The following CDKL5 variants were observed in gnomAD, a reference collection of about 807,000 sequenced individuals.
CDKL5 encodes cyclin-dependent kinase-like 5.
Under a neutral mutation model 61.7 loss-of-function variants are expected in CDKL5, and 8 were observed. The observed-to-expected ratio is 0.13, with a 90% CI of 0.08 to 0.23. The LOEUF is 0.23. Among genes scored for constraint, CDKL5 ranks in the 10% least tolerant of loss-of-function variants. CDKL5 has a pLI of 1.00. For missense variants in CDKL5, 440 were observed against 734.5 expected (o/e 0.60, Z 4.63); for synonymous variants, 275 against 272.3 (o/e 1.01, Z -0.10).
At chrX:18,489,857 C>T (rs1275726984) in intron 1 of CDKL5, among the ~76,000 whole-genome samples, 2 of 110,215 alleles carry the variant, frequency 1.8e-5, no homozygotes, top group African/African-American at 6.6e-5. Flanking sequence ...TGGAGACCAG[C>T]TGGGCAACAT....
chrX:18,647,485 C>T, intron 20 of CDKL5: 1 of 533,529 alleles, frequency 1.9e-6, no homozygotes, highest in South Asian at 2.8e-5. Context: ...ACAGCTGTGT[C>T]TTCAACGGTT....
At chrX:18,484,745 A>G (rs929458088) in intron 1 of CDKL5, among the ~76,000 whole-genome samples, 4 of 108,742 alleles carry the variant, frequency 3.7e-5, no homozygotes, top group African/African-American at 1.3e-4. Flanking sequence ...TAGATGGTAA[A>G]TCTGTAGGGA....
At chrX:18,430,248 T>G (rs1456790585) in intron 1 of CDKL5, among the ~76,000 whole-genome samples, 2 of 112,406 alleles carry the variant, frequency 1.8e-5, no homozygotes, top group African/African-American at 3.2e-5. Context: ...GATATTGCAT[T>G]ATAACTTTTG....
At chrX:18,640,404 TG>T (rs1277820799), downstream of CDKL5, 2 of 105,551 alleles carry the variant, frequency 1.9e-5, no homozygotes, top group African/African-American at 6.9e-5. Context: ...AGATTTGTCC[TG>T]TGTCCTAAGG....
intron 1 of CDKL5, among the ~76,000 whole-genome samples, chrX:18,497,886 C>T (rs182159108): frequency 2.6e-4 from 28 of 108,767 alleles, no homozygotes; most frequent in Non-Finnish European, 4.4e-4. Context: ...TGCACAATCA[C>T]GGCTCACCGC....
At position 18,630,066 on chromosome X, in the gene CDKL5, G is replaced by C. The variant is rs1250147426; in HGVS notation, c.*1309G>C. 9.3e-6 allele frequency: 7 copies of C among 750,853 alleles called. No homozygotes were observed. In the East Asian group the frequency reaches 6.1e-4, roughly 65 times the overall value. The allele number at this position is 750,853 out of a possible 1,213,427, so 61.9% of individuals were successfully genotyped here. On this transcript the variant is annotated 3_prime_UTR_variant, in exon 18 of 18. Transcript: ENST00000623535. ...ATTTCTGAATGCCTTTTTTGCTATT[G>C]CTCTCTCCAATACCATATTTAAAAG... is the stretch of plus-strand genomic sequence containing the variant.
At chrX:18,523,318 A>G (rs1923320084) in intron 3 of CDKL5, among the ~76,000 whole-genome samples, 1 of 110,709 alleles carries the variant, frequency 9.0e-6, no homozygotes, top group African/African-American at 3.3e-5. Flanking sequence ...CTTCCAACCT[A>G]CTTTCTGTCT....
chrX:18,642,118 C>T, downstream of CDKL5: 3 of 1,211,853 alleles, frequency 2.5e-6, no homozygotes, highest in Non-Finnish European at 3.4e-6. Context: ...GCAGCAGGTT[C>T]TGAACCGTGG....
At chrX:18,427,810 G>GTGAT (rs1931401117) in intron 1 of CDKL5, among the ~76,000 whole-genome samples, 1 of 111,045 alleles carries the variant, frequency 9.0e-6, no homozygotes, top group Non-Finnish European at 1.9e-5. Flanking sequence ...TTAGGGGTTT[G>GTGAT]TGATTGGTAT....
intron 3 of CDKL5, among the ~76,000 whole-genome samples, chrX:18,537,492 G>A (rs1314839147): frequency 8.1e-5 from 9 of 111,654 alleles, no homozygotes; most frequent in African/African-American, 2.6e-4. Context: ...TATTTCCATT[G>A]ACCTTATTCA....
intron 1 of CDKL5, chrX:18,442,164 C>G (rs1298121212): frequency 9.0e-6 from 1 of 111,455 alleles, no homozygotes; most frequent in Non-Finnish European, 1.9e-5. Context: ...CTGCCCACCC[C>G]CAGGTTTGCA....
intron 20 of CDKL5, chrX:18,650,020 T>C (rs1355285954): frequency 1.6e-5 from 4 of 249,360 alleles, no homozygotes; most frequent in African/African-American, 1.1e-4. Context: ...TCTGAGAGAG[T>C]AGGCAGAGGG....
At chrX:18,556,537 T>C (rs1169915980) in intron 3 of CDKL5, among the ~76,000 whole-genome samples, 1 of 111,478 alleles carries the variant, frequency 9.0e-6, no homozygotes, top group East Asian at 2.8e-4. Context: ...GAGCATGAGA[T>C]CTCCTCAGAA....
In CDKL5 at chrX:18,512,769, G is replaced by C. The variant is rs181527681; in HGVS notation, c.99+1915G>C. Among the ~76,000 whole-genome samples the C allele has an allele frequency of 2.3e-3, 255 of 111,232 alleles. 1 individual carries two copies. The highest frequency in any genetic ancestry group is 2.2e-3 in the Non-Finnish European group (114 of 52,900). The stretch of plus-strand genomic sequence containing the variant: ...CAAATGAAAAGCTCCCTAATAAAAT[G>C]CTAAATGCTATACTTTTAATGACTT... On this transcript the variant is annotated intron_variant, in intron 3 of 17. Transcript: ENST00000623535.
At chrX:18,446,788 A>C (rs1016989287) in intron 1 of CDKL5, among the ~76,000 whole-genome samples, 2 of 111,846 alleles carry the variant, frequency 1.8e-5, no homozygotes, top group Non-Finnish European at 3.8e-5. Flanking sequence ...ATCACCACTC[A>C]TACTCAGCAC....
chrX:18,476,668 A>G (rs892458583), intron 1 of CDKL5, among the ~76,000 whole-genome samples: 1 of 112,912 alleles, frequency 8.9e-6, no homozygotes, highest in East Asian at 2.7e-4. Flanking sequence ...TGATTTTAAT[A>G]TAGCCATTCC....
intron 1 of CDKL5, among the ~76,000 whole-genome samples, chrX:18,435,500 T>C (rs928238739): frequency 9.0e-6 from 1 of 111,664 alleles, no homozygotes; most frequent in Non-Finnish European, 1.9e-5. Context: ...TGATTCTGTA[T>C]TGTGTGCCAG....
intron 1 of CDKL5, among the ~76,000 whole-genome samples, chrX:18,476,012 G>T (rs1410336259): frequency 1.8e-5 from 2 of 111,539 alleles, no homozygotes; most frequent in Non-Finnish European, 3.8e-5. Context: ...TGAAATCAGG[G>T]TTAAGCATTC....
chrX:18,515,588 A>G (rs958933130), intron 3 of CDKL5, among the ~76,000 whole-genome samples: 14 of 111,532 alleles, frequency 1.3e-4, no homozygotes, highest in Non-Finnish European at 2.4e-4. Flanking sequence ...AATGTGGTAA[A>G]CTAGAAAAGC....
Sources: allele counts gnomAD v4.1 joint callset (sites outside exome capture counted in the v4.1 genomes callset), GRCh38; gene constraint gnomAD v4.1.1; transcripts MANE v1.5; gene names NCBI Gene and HGNC (gene_info 2026-07-23, HGNC 2026-07-21).